The following DCLK1 variants were observed in gnomAD, a reference collection of about 807,000 sequenced individuals.
DCLK1 encodes the protein serine/threonine-protein kinase DCLK1.
DCLK1 carries 16 observed loss-of-function variants against 86.2 expected under a neutral mutation model. That is an observed-to-expected ratio of 0.19 (90% CI 0.13 to 0.28). DCLK1 has a LOEUF of 0.28. Among genes scored for constraint, DCLK1 ranks in the 10% least tolerant of loss-of-function variants. DCLK1 has a pLI of 1.00. For missense variants in DCLK1, 590 were observed against 940.2 expected, an observed-to-expected ratio of 0.63 and a Z score of 4.87; for synonymous variants, 369 against 370.5, an observed-to-expected ratio of 1.00 and a Z score of 0.05.
At chr13:36,081,978 G>A (rs1884436163) in intron 3 of DCLK1, among the ~76,000 whole-genome samples, 1 of 152,114 alleles carries the variant, frequency 6.6e-6, no homozygotes, top group East Asian at 1.9e-4. Flanking sequence ...ATCTAATGAG[G>A]GTGGAGAGGC....
chr13:36,089,560 TAAAGTTTCCC>T (rs756825288), intron 3 of DCLK1, among the ~76,000 whole-genome samples: 23 of 152,308 alleles, frequency 1.5e-4, no homozygotes, highest in Non-Finnish European at 2.9e-4. Flanking sequence ...CCCATTTATT[TAAAGTTTCCC>T]ATCACTCTCT....
At chr13:35,794,851 T>C (rs2086776191) in intron 15 of DCLK1, among the ~76,000 whole-genome samples, 1 of 152,126 alleles carries the variant, frequency 6.6e-6, no homozygotes, top group Admixed American at 6.5e-5. Context: ...GAAATTCCAG[T>C]AGAGTGGGGA....
intron 3 of DCLK1, among the ~76,000 whole-genome samples, chr13:36,100,184 A>T (rs1482912157): frequency 1.1e-5 from 1 of 89,364 alleles, no homozygotes; most frequent in East Asian, 4.4e-4. Flanking sequence ...CTCTACAAAA[A>T]AAAAAAAAAA....
At chr13:35,805,670 G>C (rs568685445) in intron 15 of DCLK1, 29 bp downstream of exon 15, 2 of 1,596,734 alleles carry the variant, frequency 1.3e-6, no homozygotes, top group Admixed American at 3.5e-5. Flanking sequence ...TGTTAGGAGA[G>C]AACAAAGGAA....
chr13:35,941,543 C>T (rs923479528), intron 4 of DCLK1, among the ~76,000 whole-genome samples: 2 of 152,112 alleles, frequency 1.3e-5, no homozygotes, highest in Admixed American at 1.3e-4. Context: ...TCCTGGAGAT[C>T]GGGCACTACA....
intron 3 of DCLK1, among the ~76,000 whole-genome samples, chr13:36,103,304 G>C (rs59454319): frequency 0.024 from 3,560 of 150,722 alleles, 40 homozygotes; most frequent in South Asian, 0.059. Context: ...GGGAGGCTGA[G>C]ACAGGAGAAA....
At chr13:36,109,256 G>A (rs1482181420) in intron 3 of DCLK1, among the ~76,000 whole-genome samples, 3 of 152,164 alleles carry the variant, frequency 2.0e-5, no homozygotes, top group Non-Finnish European at 4.4e-5. Context: ...CAACAGTTGA[G>A]TACAACAGTC....
At chr13:35,841,664 G>A (rs1869799990) in intron 6 of DCLK1, among the ~76,000 whole-genome samples, 1 of 152,186 alleles carries the variant, frequency 6.6e-6, no homozygotes, top group African/African-American at 2.4e-5. Flanking sequence ...GAGAGTAACA[G>A]ATGATGGGCA....
rs139598079 is a variant in DCLK1 at position 36,097,711 on chromosome 13, T to A, written c.723+14158A>T. 5.5e-4 allele frequency among the ~76,000 whole-genome samples: 84 copies of A among 152,266 alleles called. 2 individuals are homozygous for A. In the East Asian group the frequency reaches 0.013, roughly 23 times the overall value. On this transcript the variant is annotated intron_variant, in intron 3 of 16. Transcript: ENST00000360631. ...TCTTTTGGCAACCCAGTCTAACCCT[T>A]TTAACAGGGTAGTATATTAATCTCA...
At chr13:36,068,079 G>A (rs1429224816) in intron 3 of DCLK1, among the ~76,000 whole-genome samples, 1 of 152,124 alleles carries the variant, frequency 6.6e-6, no homozygotes, top group African/African-American at 2.4e-5. Flanking sequence ...TGACCACACC[G>A]ATTAATATTT....
At chr13:36,061,172 C>A (rs759566912) in intron 3 of DCLK1, among the ~76,000 whole-genome samples, 14 of 152,014 alleles carry the variant, frequency 9.2e-5, no homozygotes, top group Non-Finnish European at 1.9e-4. Context: ...CTGCAATCAG[C>A]CGGGCACAAA....
At chr13:36,094,225 T>C (rs1302534776) in intron 3 of DCLK1, among the ~76,000 whole-genome samples, 1 of 152,222 alleles carries the variant, frequency 6.6e-6, no homozygotes, top group Non-Finnish European at 1.5e-5. Flanking sequence ...TCTCAGTAAA[T>C]AAAAGCTACA....
chr13:36,087,717 T>C (rs1799963796), intron 3 of DCLK1, among the ~76,000 whole-genome samples: 1 of 151,880 alleles, frequency 6.6e-6, no homozygotes, highest in African/African-American at 2.4e-5. Flanking sequence ...CTCTCCACTC[T>C]CTTCTAACAA....
At chr13:35,811,766 G>A (rs990002002) in intron 11 of DCLK1, among the ~76,000 whole-genome samples, 11 of 151,908 alleles carry the variant, frequency 7.2e-5, no homozygotes, top group African/African-American at 2.4e-4. Flanking sequence ...CCCGGGAGGT[G>A]GAGGTTGCAG....
At chr13:35,959,378 G>A (rs1878324823) in intron 3 of DCLK1, among the ~76,000 whole-genome samples, 1 of 152,002 alleles carries the variant, frequency 6.6e-6, no homozygotes, top group Non-Finnish European at 1.5e-5. Flanking sequence ...ATGCAAACAG[G>A]GCGATCACTG....
At chr13:35,852,899 T>C (rs1870760835) in intron 6 of DCLK1, among the ~76,000 whole-genome samples, 1 of 152,204 alleles carries the variant, frequency 6.6e-6, no homozygotes. Flanking sequence ...AAATCTTTAA[T>C]CTGAGTTTAA....
chr13:35,857,467 T>C (rs181784045), intron 5 of DCLK1, among the ~76,000 whole-genome samples: 201 of 152,280 alleles, frequency 1.3e-3, no homozygotes, highest in African/African-American at 4.7e-3. Context: ...TCTCTAGCAA[T>C]AATCAACACT....
intron 3 of DCLK1, among the ~76,000 whole-genome samples, chr13:36,004,118 G>A (rs921094787): frequency 6.6e-6 from 1 of 152,068 alleles, no homozygotes. Flanking sequence ...CTTAATATAG[G>A]CCTTTCCTTG....
intron 3 of DCLK1, among the ~76,000 whole-genome samples, chr13:36,008,502 C>G (rs1407675126): frequency 1.6e-5 from 2 of 124,462 alleles, no homozygotes; most frequent in Non-Finnish European, 3.2e-5. Context: ...CGATAGTTTA[C>G]TGAGAATGAT....
Sources: allele counts gnomAD v4.1 joint callset (sites outside exome capture counted in the v4.1 genomes callset), GRCh38; gene constraint gnomAD v4.1.1; transcripts MANE v1.5; gene names NCBI Gene and HGNC (gene_info 2026-07-23, HGNC 2026-07-21).